Variants in CPNE4 observed in about 807,000 individuals in gnomAD.
CPNE4 encodes the protein copine-4.
A neutral mutation model predicts 67.9 loss-of-function variants in CPNE4; 25 were observed. The observed-to-expected ratio is 0.37, with a 90% CI of 0.27 to 0.51. The LOEUF is 0.51. Among genes scored for constraint, CPNE4 ranks in the 20% least tolerant of loss-of-function variants. The pLI, the probability that CPNE4 is intolerant of heterozygous loss-of-function variation, is 0.93. For synonymous variants in CPNE4, 242 were observed against 244.9 expected, an observed-to-expected ratio of 0.99 and a Z score of 0.11; for missense variants, 464 against 690.8, an observed-to-expected ratio of 0.67 and a Z score of 3.68.
chr3:131,624,686 A>G (rs142544937), intron 7 of CPNE4, among the ~76,000 whole-genome samples: 4 of 152,312 alleles, frequency 2.6e-5, no homozygotes, highest in African/African-American at 9.6e-5. Flanking sequence ...CCTAGAACCT[A>G]TAAATCTTAA....
In CPNE4 at chr3:131,585,875, C is replaced by T. The variant is rs139370656; in HGVS notation, c.780+1609G>A. ...TGCATCCTGGCTTGTGGGTGATGGT[C>T]TCTGGGTGTTTGACAAGTTTCTTGT... On this transcript the variant is annotated intron_variant, in intron 8 of 15. Transcript: ENST00000429747. Among the ~76,000 whole-genome samples, 233 of 152,206 alleles carry T rather than the reference C, an allele frequency of 1.5e-3. 2 individuals carry two copies. Among genetic ancestry groups the T allele is most frequent in the African/African-American group, 4.5e-3 (188 of 41,534 alleles).
rs1042504730 is a variant in CPNE4, at chr3:131,931,270, C to T, written c.-1-25826G>A. 2.6e-5 allele frequency among the ~76,000 whole-genome samples: 4 copies of T among 152,064 alleles called. No individual in the cohort carries two copies. In the South Asian group the frequency reaches 8.3e-4, roughly 32 times the overall value. On this transcript the variant is annotated intron_variant, in intron 1 of 15. Transcript: ENST00000429747. ...CAAATACTGCAAACATGTTTCAAGA[C>T]AGGAAATGAAAACTATTTCACTGAA...
intron 2 of CPNE4, among the ~76,000 whole-genome samples, chr3:131,848,707 A>G (rs774491770): frequency 9.2e-5 from 14 of 151,356 alleles, no homozygotes; most frequent in Non-Finnish European, 1.6e-4. Context: ...CTCAACCCCA[A>G]TTTGGTTCAT....
At chr3:131,878,750 GAATA>G (rs1015551041) in intron 2 of CPNE4, among the ~76,000 whole-genome samples, 65 of 152,244 alleles carry the variant, frequency 4.3e-4, no homozygotes, top group African/African-American at 1.4e-3. Flanking sequence ...ATTCCATTAA[GAATA>G]GATATGCTAC....
In CPNE4 at chr3:131,844,006, G is replaced by A. The variant is rs1190931857; in HGVS notation, c.180+61258C>T. ...CTGCTAGAAGATGTGGGAAGCATGG[G>A]GAAGGTGAGCAGCAAAAAACAACAG... On this transcript the variant is annotated intron_variant, in intron 2 of 15. Transcript: ENST00000429747. 2.6e-5 allele frequency among the ~76,000 whole-genome samples: 4 copies of A among 152,092 alleles called. No homozygotes were observed. In the South Asian group the frequency reaches 6.2e-4, roughly 24 times the overall value.
chr3:131,633,088 A>G (rs1160406710), intron 7 of CPNE4, among the ~76,000 whole-genome samples: 1 of 152,136 alleles, frequency 6.6e-6, no homozygotes, highest in Non-Finnish European at 1.5e-5. Context: ...TCTACCTTCC[A>G]GTTGCTCAGG....
chr3:132,032,629 TC>T (rs2074260522), intron 1 of CPNE4, among the ~76,000 whole-genome samples: 1 of 152,228 alleles, frequency 6.6e-6, no homozygotes, highest in African/African-American at 2.4e-5. Flanking sequence ...TTTCCAACCC[TC>T]CCTCTATTTT....
intron 1 of CPNE4, among the ~76,000 whole-genome samples, chr3:131,922,332 C>T (rs2070763152): frequency 6.6e-6 from 1 of 152,240 alleles, no homozygotes; most frequent in South Asian, 2.1e-4. Flanking sequence ...TTGATGGGCA[C>T]CTAGGTTGAT....
At chr3:131,821,575 G>A (rs924364682) in intron 2 of CPNE4, among the ~76,000 whole-genome samples, 1 of 152,182 alleles carries the variant, frequency 6.6e-6, no homozygotes, top group Non-Finnish European at 1.5e-5. Flanking sequence ...GACAGAAAGG[G>A]TGTGGTGTGT....
intron 1 of CPNE4, among the ~76,000 whole-genome samples, chr3:131,948,383 T>C (rs2071622714): frequency 6.6e-6 from 1 of 152,182 alleles, no homozygotes; most frequent in Admixed American, 6.5e-5. Context: ...TGCTTCCCCT[T>C]TGCCTTCAGC....
intron 6 of CPNE4, among the ~76,000 whole-genome samples, chr3:131,679,076 A>G (rs1239180455): frequency 6.6e-6 from 1 of 152,138 alleles, no homozygotes; most frequent in Non-Finnish European, 1.5e-5. Flanking sequence ...GTTGGTTGGT[A>G]GGCTATTTAT....
At chr3:131,790,593 C>T (rs1560316667) in intron 2 of CPNE4, among the ~76,000 whole-genome samples, 2 of 152,268 alleles carry the variant, frequency 1.3e-5, no homozygotes, top group Admixed American at 6.5e-5. Context: ...TTCTTTTCTT[C>T]ACCCTGTGAA....
intron 6 of CPNE4, among the ~76,000 whole-genome samples, chr3:131,676,972 G>T (rs913402369): frequency 3.3e-5 from 5 of 151,766 alleles, no homozygotes; most frequent in African/African-American, 7.3e-5. Context: ...TTCCACGATG[G>T]TTGAACTAAT....
chr3:131,569,296 G>T (rs1219178689), intron 10 of CPNE4, among the ~76,000 whole-genome samples: 1 of 151,958 alleles, frequency 6.6e-6, no homozygotes, highest in Non-Finnish European at 1.5e-5. Context: ...TGTAAACTGG[G>T]CCACAGTGTG....
At chr3:131,787,344 G>T (rs1179309313) in intron 2 of CPNE4, among the ~76,000 whole-genome samples, 1 of 152,188 alleles carries the variant, frequency 6.6e-6, no homozygotes, top group Non-Finnish European at 1.5e-5. Context: ...TCAGCAGAGG[G>T]AGAAGATGAA....
chr3:131,916,366 A>G (rs1011283663), intron 1 of CPNE4, among the ~76,000 whole-genome samples: 1 of 144,200 alleles, frequency 6.9e-6, no homozygotes, highest in Non-Finnish European at 1.5e-5. Flanking sequence ...AAAAAAAAAA[A>G]CAGAGCAGGA....
In CPNE4 at chr3:132,034,816, T is replaced by G. The variant is rs2074312284; in HGVS notation, c.-251A>C. ...CTGACTCCATTCTCGGTGATGGGGG[T>G]GGGGGAAGAGGGTGAAAATGTTGGA... On this transcript the variant is annotated 5_prime_UTR_variant, in exon 1 of 16. Coordinates refer to ENST00000429747, the MANE Select transcript of CPNE4 (RefSeq NM_130808.3). 3.0e-6 allele frequency: 3 copies of G among 983,926 alleles called. No homozygotes were observed. Among genetic ancestry groups the G allele is most frequent in the African/African-American group, 1.8e-5 (1 of 56,570 alleles). The allele number at this position is 983,926 out of a possible 1,614,324, so 60.9% of individuals were successfully genotyped here.
intron 2 of CPNE4, among the ~76,000 whole-genome samples, chr3:131,825,828 C>G (rs1383712515): frequency 6.6e-6 from 1 of 152,182 alleles, no homozygotes; most frequent in Non-Finnish European, 1.5e-5. Context: ...TTCATCCATT[C>G]TCTCATACCA....
intron 2 of CPNE4, among the ~76,000 whole-genome samples, chr3:131,745,797 G>T (rs991481489): frequency 6.6e-6 from 1 of 152,042 alleles, no homozygotes; most frequent in African/African-American, 2.4e-5. Context: ...GATTACTGTT[G>T]CTATATGGTA....
Sources: allele counts gnomAD v4.1 joint callset (sites outside exome capture counted in the v4.1 genomes callset), GRCh38; gene constraint gnomAD v4.1.1; transcripts MANE v1.5; gene names NCBI Gene and HGNC (gene_info 2026-07-23, HGNC 2026-07-21).